The following ROBO2 variants were observed in gnomAD, a reference collection of about 807,000 sequenced individuals.
ROBO2 encodes roundabout homolog 2.
Under a neutral mutation model 160.8 loss-of-function variants are expected in ROBO2, and 53 were observed. The ratio of observed to expected loss-of-function variants is 0.33; its 90% confidence interval spans 0.26 to 0.41. The LOEUF (loss-of-function observed/expected upper bound fraction) is 0.41, where lower values mean the gene tolerates loss of function less well. Ranked by LOEUF, ROBO2 falls within the 10% of genes least tolerant of loss-of-function variation. The pLI, the probability that ROBO2 is intolerant of heterozygous loss-of-function variation, is 1.00. For synonymous variants in ROBO2, 664 were observed against 611.7 expected (o/e 1.09, Z -1.26); for missense variants, 1,577 against 1,722.4 (o/e 0.92, Z 1.49).
chr3:77,391,773 G>T (rs1203340037), intron 2 of ROBO2, among the ~76,000 whole-genome samples: 1 of 152,024 alleles, frequency 6.6e-6, no homozygotes, highest in African/African-American at 2.4e-5. Flanking sequence ...TGCCCAGGCT[G>T]GTCTTGAACT....
chr3:77,464,158 A>G (rs1001471257), intron 2 of ROBO2, among the ~76,000 whole-genome samples: 4 of 152,208 alleles, frequency 2.6e-5, no homozygotes, highest in African/African-American at 9.6e-5. Flanking sequence ...AAAATGGCTG[A>G]AGGACCTGTA....
intron 2 of ROBO2, among the ~76,000 whole-genome samples, chr3:77,351,691 T>C (rs1036987484): frequency 2.0e-5 from 3 of 152,130 alleles, no homozygotes. Flanking sequence ...TGGAGGATCA[T>C]TGTCATAATT....
At position 76,423,337 on chromosome 3, in the gene ROBO2, A is replaced by G. The variant is rs143945506; in HGVS notation, c.109+485735A>G. On this transcript the variant is annotated intron_variant, in intron 2 of 26. Transcript: ENST00000487694. ...CAACAAAACCAAACATAAACAGAAC[A>G]TTTACGTTTTCCTCCAGGGGCACTC... 3.1e-3 allele frequency among the ~76,000 whole-genome samples: 477 copies of G among 152,234 alleles called. 1 individual carries two copies. The highest frequency in any genetic ancestry group is 5.6e-3 in the Admixed American group (85 of 15,292).
rs1340180401 is a variant in ROBO2 at position 77,076,069 on chromosome 3, GA to G, written c.62-21936del. Among the ~76,000 whole-genome samples the G allele has an allele frequency of 8.7e-5, 13 of 148,828 alleles. 1 individual carries two copies. Among genetic ancestry groups the G allele is most frequent in the Admixed American group, 2.7e-4 (4 of 14,938 alleles). On this transcript the variant is annotated intron_variant, in intron 1 of 25. Transcript: ENST00000461745. ...AGGTAAGGAAATATTGGGAAAAAAA[GA>G]AAAAAAAAGGAAAAACACAAAGGAG...
intron 14 of ROBO2, among the ~76,000 whole-genome samples, chr3:77,576,823 C>T (rs1181239507): frequency 6.6e-6 from 1 of 152,090 alleles, no homozygotes; most frequent in Non-Finnish European, 1.5e-5. Flanking sequence ...CAATTTATAG[C>T]AGTCAATTAT....
intron 2 of ROBO2, among the ~76,000 whole-genome samples, chr3:77,432,548 C>T (rs1238063946): frequency 6.6e-6 from 1 of 152,076 alleles, no homozygotes; most frequent in East Asian, 1.9e-4. Context: ...CTCTGGTTCA[C>T]CCCCTGATTT....
intron 2 of ROBO2, among the ~76,000 whole-genome samples, chr3:76,310,786 T>C (rs2071543291): frequency 1.3e-5 from 2 of 152,152 alleles, no homozygotes; most frequent in Admixed American, 1.3e-4. Flanking sequence ...TGGGTGGTTT[T>C]CAAGCCCAGC....
intron 2 of ROBO2, among the ~76,000 whole-genome samples, chr3:77,178,271 G>A (rs957397727): frequency 1.3e-5 from 2 of 151,922 alleles, no homozygotes; most frequent in Admixed American, 6.6e-5. Context: ...TCCATTGATC[G>A]TTTTGCCCTG....
chr3:77,478,291 C>T (rs2084282223), intron 3 of ROBO2, among the ~76,000 whole-genome samples: 1 of 152,138 alleles, frequency 6.6e-6, no homozygotes. Context: ...ATCTCAAATG[C>T]TTTTTCCAGT....
rs1165623675 is a variant in ROBO2, at chr3:77,047,816, G to T, written c.61+6970G>T. Among the ~76,000 whole-genome samples the T allele has an allele frequency of 2.2e-4, 34 of 151,574 alleles. 1 individual carries two copies. Among genetic ancestry groups the T allele is most frequent in the Non-Finnish European group, 1.5e-5 (1 of 67,874 alleles). On this transcript the variant is annotated intron_variant, in intron 1 of 25. Coordinates refer to ENST00000461745, the Ensembl canonical transcript of ROBO2. ...CCCAGCACTTTGGGAGGCTGAGGCA[G>T]GTGGATCACGAGGTCAGGAGGTCGA...
intron 1 of ROBO2, among the ~76,000 whole-genome samples, chr3:77,082,920 C>T (rs1238897787): frequency 6.6e-6 from 1 of 151,564 alleles, no homozygotes; most frequent in Non-Finnish European, 1.5e-5. Context: ...GTACTCACAC[C>T]AAATGGAAAA....
At chr3:76,617,089 A>G (rs2088644534) in intron 2 of ROBO2, among the ~76,000 whole-genome samples, 2 of 152,230 alleles carry the variant, frequency 1.3e-5, no homozygotes, top group South Asian at 4.1e-4. Context: ...CTTCAGATAT[A>G]TTCACTATAA....
intron 2 of ROBO2, among the ~76,000 whole-genome samples, chr3:76,925,228 A>AAAAAAAT (rs757543990): frequency 1.4e-5 from 2 of 147,478 alleles, no homozygotes; most frequent in African/African-American, 5.0e-5. Context: ...AAAAAAAAAA[A>AAAAAAAT]AAATCTGGTT....
chr3:76,304,737 CTT>C (rs371614079), intron 2 of ROBO2, among the ~76,000 whole-genome samples: 13 of 62,500 alleles, frequency 2.1e-4, no homozygotes, highest in Middle Eastern at 8.3e-3. Context: ...TCTTTCTTTT[CTT>C]TTCTTTCCTT....
intron 2 of ROBO2, among the ~76,000 whole-genome samples, chr3:77,031,916 A>T (rs548962747): frequency 3.3e-5 from 5 of 152,216 alleles, no homozygotes; most frequent in South Asian, 4.1e-4. Flanking sequence ...GAAGTTCAAG[A>T]TCAAGGCACT....
chr3:77,205,889 G>T (rs1449710953), intron 2 of ROBO2, among the ~76,000 whole-genome samples: 1 of 152,062 alleles, frequency 6.6e-6, no homozygotes, highest in Non-Finnish European at 1.5e-5. Flanking sequence ...GTTTCCTAGG[G>T]TGACTGTAAC....
intron 2 of ROBO2, among the ~76,000 whole-genome samples, chr3:76,965,136 G>C (rs2079973016): frequency 6.6e-6 from 1 of 152,192 alleles, no homozygotes; most frequent in South Asian, 2.1e-4. Context: ...AATGTCCTTA[G>C]ATAAGAGTGG....
intron 2 of ROBO2, among the ~76,000 whole-genome samples, chr3:76,768,276 G>A (rs930961493): frequency 4.6e-5 from 7 of 151,272 alleles, no homozygotes; most frequent in South Asian, 2.1e-4. Flanking sequence ...AGACCTTTAC[G>A]AGGTCAGTTT....
intron 2 of ROBO2, among the ~76,000 whole-genome samples, chr3:76,494,452 A>G (rs541282002): frequency 1.3e-4 from 20 of 152,320 alleles, no homozygotes; most frequent in Non-Finnish European, 2.2e-4. Context: ...ATTGTAGGCA[A>G]GTAACTAAAC....
Sources: gnomAD v4.1 joint callset for allele counts (sites outside exome capture counted in the v4.1 genomes callset) on GRCh38, gnomAD v4.1.1 for gene constraint, MANE v1.5 for transcripts, NCBI Gene and HGNC (gene_info 2026-07-23, HGNC 2026-07-21) for gene names.